CNTLN: variants seen among roughly 807,000 people sequenced by gnomAD.
The protein encoded by CNTLN is centlein, centrosomal protein.
In CNTLN, 212 loss-of-function variants were observed where a neutral mutation model predicts 180.0. That is an observed-to-expected ratio of 1.18 (90% CI 1.05 to 1.32). CNTLN has a LOEUF of 1.32. Among genes scored for constraint, CNTLN ranks in the 40% most tolerant of loss-of-function variants. CNTLN has a pLI of 0.00. For missense variants in CNTLN, 2,095 were observed against 1,610.9 expected (o/e 1.30, Z -5.14); for synonymous variants, 722 against 563.1 (o/e 1.28, Z -3.99).
chr9:17,166,611 A>G (rs1820086232), intron 2 of CNTLN, among the ~76,000 whole-genome samples: 1 of 152,168 alleles, frequency 6.6e-6, no homozygotes, highest in Non-Finnish European at 1.5e-5. Context: ...AAATACAGCC[A>G]CATACATAGA....
chr9:17,266,784 A>G (rs1827490339), intron 5 of CNTLN, among the ~76,000 whole-genome samples: 1 of 152,128 alleles, frequency 6.6e-6, no homozygotes, highest in Admixed American at 6.5e-5. Context: ...TCCCTTTACC[A>G]TTATGTAATG....
chr9:17,161,668 G>A (rs928635714), intron 2 of CNTLN, among the ~76,000 whole-genome samples: 1 of 152,154 alleles, frequency 6.6e-6, no homozygotes, highest in Admixed American at 6.5e-5. Context: ...AGAACTTTGA[G>A]TTTGGAGTAA....
At chr9:17,270,977 G>T in intron 5 of CNTLN, among the ~76,000 whole-genome samples, 3 of 127,448 alleles carry the variant, frequency 2.4e-5, no homozygotes, top group East Asian at 2.4e-4. Context: ...TTGAGACAGA[G>T]TCTTGCTCTG....
intron 5 of CNTLN, among the ~76,000 whole-genome samples, chr9:17,262,148 A>G (rs915555662): frequency 5.9e-5 from 9 of 151,542 alleles, no homozygotes; most frequent in Admixed American, 5.9e-4. Context: ...TAGTTCAACC[A>G]TTGTGGAAGA....
chr9:17,250,941 A>T (rs988920011), intron 5 of CNTLN, among the ~76,000 whole-genome samples: 1 of 152,014 alleles, frequency 6.6e-6, no homozygotes, highest in South Asian at 2.1e-4. Flanking sequence ...GTGCATCTGA[A>T]GTGGTAATGA....
chr9:17,165,002 A>AT (rs893015969), intron 2 of CNTLN, among the ~76,000 whole-genome samples: 17 of 148,586 alleles, frequency 1.1e-4, no homozygotes, highest in East Asian at 4.0e-4. Flanking sequence ...TGCCCGGCTA[A>AT]TTTTTTTTTG....
chr9:17,179,185 A>G (rs1346355811), intron 2 of CNTLN, among the ~76,000 whole-genome samples: 1 of 140,316 alleles, frequency 7.1e-6, no homozygotes, highest in Non-Finnish European at 1.5e-5. Flanking sequence ...CGGAGCTTGC[A>G]GTGAGCCGAG....
intron 2 of CNTLN, among the ~76,000 whole-genome samples, chr9:17,171,209 T>C (rs531183786): frequency 6.6e-6 from 1 of 152,208 alleles, no homozygotes; most frequent in Non-Finnish European, 1.5e-5. Context: ...CATTTTGTTT[T>C]TTGGTGGCAT....
In CNTLN at chr9:17,394,534, G is replaced by C. The variant is rs1034721053; in HGVS notation, c.2080G>C (p.Val694Leu). The part of the protein sequence containing the change: ...KEMLEQTLQK[V>L]TELENRLKSF... ...TAAAAGAATAAACTCTTTCCTTTAGGTCACTGAGTTGGAAAATCGGCTGAA... is the reference window on the plus strand; with the variant it reads ...TAAAAGAATAAACTCTTTCCTTTAGCTCACTGAGTTGGAAAATCGGCTGAA... The change falls in exon 15 of 26, where the codon GTC (valine) becomes CTC (leucine). Residue 694 changes from valine to leucine, a missense_variant and splice_region_variant. Coordinates refer to ENST00000380647, the MANE Select transcript of CNTLN (RefSeq NM_017738.4). 5 of 1,541,196 alleles carry C rather than the reference G, an allele frequency of 3.2e-6. No individual in the cohort carries two copies. The highest frequency in any genetic ancestry group is 1.4e-5 in the African/African-American group (1 of 71,996).
chr9:17,309,858 T>A (rs1297923356), intron 8 of CNTLN, among the ~76,000 whole-genome samples: 1 of 152,100 alleles, frequency 6.6e-6, no homozygotes, highest in Non-Finnish European at 1.5e-5. Context: ...TAAAAAAATC[T>A]CTGTGAATTT....
the CNTLN span, among the ~76,000 whole-genome samples, chr9:17,514,733 C>A: frequency 3.3e-5 from 5 of 152,278 alleles, no homozygotes; most frequent in South Asian, 1.0e-3. Flanking sequence ...AAGCCATAGA[C>A]TCCTGAGCAA....
At chr9:17,463,174 G>A (rs910605457) in intron 20 of CNTLN, among the ~76,000 whole-genome samples, 161 bp downstream of exon 20, 4 of 151,498 alleles carry the variant, frequency 2.6e-5, no homozygotes, top group African/African-American at 4.8e-5. Flanking sequence ...TGTATAGCAT[G>A]ATTAATGGCA....
At chr9:17,293,353 C>T (rs1159290763) in intron 6 of CNTLN, among the ~76,000 whole-genome samples, 2 of 152,226 alleles carry the variant, frequency 1.3e-5, no homozygotes, top group African/African-American at 2.4e-5. Flanking sequence ...TGCCTGGATT[C>T]CTCAGAGCTG....
At chr9:17,395,154 TG>T in intron 15 of CNTLN, 85 bp downstream of exon 15, 1 of 1,477,694 alleles carries the variant, frequency 6.8e-7, no homozygotes, top group Non-Finnish European at 9.0e-7. Context: ...TTTCAACTAC[TG>T]TCGATTTGGT....
At chr9:17,233,509 A>G (rs1016213781) in intron 3 of CNTLN, among the ~76,000 whole-genome samples, 2 of 152,086 alleles carry the variant, frequency 1.3e-5, no homozygotes, top group African/African-American at 4.8e-5. Context: ...CGATTTAATG[A>G]CCCATTACTA....
At chr9:17,169,183 A>G (rs1435366709) in intron 2 of CNTLN, among the ~76,000 whole-genome samples, 2 of 151,998 alleles carry the variant, frequency 1.3e-5, no homozygotes, top group Non-Finnish European at 2.9e-5. Context: ...AAAATTTTGT[A>G]CACATGGGGT....
At chr9:17,267,626 C>A (rs933892617) in intron 5 of CNTLN, among the ~76,000 whole-genome samples, 1 of 152,052 alleles carries the variant, frequency 6.6e-6, no homozygotes, top group African/African-American at 2.4e-5. Flanking sequence ...TAATATCCTG[C>A]AGAGTGTTTT....
At chr9:17,396,772 A>T (rs548849589) in intron 15 of CNTLN, among the ~76,000 whole-genome samples, 1 of 152,290 alleles carries the variant, frequency 6.6e-6, no homozygotes, top group African/African-American at 2.4e-5. Context: ...TCCCTGTTGA[A>T]TCCAATGTGC....
intron 9 of CNTLN, among the ~76,000 whole-genome samples, chr9:17,332,053 G>A (rs979520306): frequency 1.3e-5 from 2 of 152,010 alleles, no homozygotes; most frequent in Non-Finnish European, 2.9e-5. Flanking sequence ...ATTGGTATAT[G>A]AAGCTGTACA....
Sources: allele counts gnomAD v4.1 joint callset (sites outside exome capture counted in the v4.1 genomes callset), GRCh38; gene constraint gnomAD v4.1.1; transcripts MANE v1.5; gene names NCBI Gene and HGNC (gene_info 2026-07-23, HGNC 2026-07-21).